The following LTBP4 variants were observed in gnomAD, a reference collection of about 807,000 sequenced individuals.
LTBP4 encodes the protein latent-transforming growth factor beta-binding protein 4.
In LTBP4, 93 loss-of-function variants were observed where a neutral mutation model predicts 180.2. The ratio of observed to expected loss-of-function variants is 0.52; its 90% CI spans 0.44 to 0.61. LTBP4 has a LOEUF of 0.61. Among genes scored for constraint, LTBP4 ranks in the 20% least tolerant of loss-of-function variants. The pLI is 0.00. For missense variants in LTBP4, 2,116 were observed against 2,256.5 expected (o/e 0.94, Z 1.26); for synonymous variants, 947 against 934.5 (o/e 1.01, Z -0.24).
intron 6 of LTBP4, 92 bp downstream of exon 6, chr19:40,606,618 C>G: frequency 1.4e-6 from 2 of 1,462,520 alleles, no homozygotes; most frequent in Admixed American, 4.1e-5. Context: ...CCCTCGGACC[C>G]CCCCAGACTC....
intron 22 of LTBP4, 138 bp downstream of exon 22, chr19:40,619,631 C>T (rs778123523): frequency 1.3e-5 from 13 of 969,086 alleles, no homozygotes; most frequent in Non-Finnish European, 1.5e-5. Context: ...CATAAGTTAA[C>T]ATGGGTAGTG....
rs753810413 is a variant in LTBP4, at chr19:40,627,718, G to A, written c.4380G>A (p.Glu1460=). Residue 1460 remains glutamate (E), a synonymous_variant, in exon 29 of 30, where the codon GAG becomes GAA. Coordinates refer to ENST00000396819, the MANE Select transcript of LTBP4 (RefSeq NM_001042545.2). ...CATTTCCCACAGGTTCCCTGGCTGA[G>A]CCCTACGAGGAGCTGGAGGCGGAGG... ...EGGSYAGSLA[E]PYEELEAEEC... The A allele has an allele frequency of 1.3e-6, 2 of 1,595,838 alleles. No individual in the cohort carries two copies. Among genetic ancestry groups the A allele is most frequent in the Admixed American group, 1.7e-5 (1 of 57,688 alleles).
At chr19:40,608,014 C>A (rs1008733438) in intron 7 of LTBP4, among the ~76,000 whole-genome samples, 2 of 152,194 alleles carry the variant, frequency 1.3e-5, no homozygotes, top group Non-Finnish European at 2.9e-5. Context: ...ACCACCATCC[C>A]AAATGTGGGA....
At chr19:40,604,435 G>C (rs1008234113) in intron 1 of LTBP4, among the ~76,000 whole-genome samples, 1 of 152,156 alleles carries the variant, frequency 6.6e-6, no homozygotes, top group Non-Finnish European at 1.5e-5. Context: ...GGAGGGGCTG[G>C]AACAGCAAAG....
At position 40,613,673 on chromosome 19, in the gene LTBP4, C is replaced by A; in HGVS notation, c.2557+144C>A. 1 of 1,356,684 alleles carries A rather than the reference C, an allele frequency of 7.4e-7. No individual in the cohort carries two copies. The highest frequency in any genetic ancestry group is 1.0e-6 in the Non-Finnish European group (1 of 989,748). The allele number at this position is 1,356,684 out of a possible 1,614,324, so 84.0% of individuals were successfully genotyped here. ...ATCAGGGGGCAGCTGGTGGGAGTCT[C>A]GAGGCAGTGAGGGGGGGCGGGGCGT... is the stretch of plus-strand genomic sequence containing the variant. On this transcript the variant is annotated intron_variant, in intron 17 of 29. Transcript: ENST00000396819. This position sits in a 1 kb window ranked among gnomAD's most constrained non-coding sequence, Gnocchi z 5.0.
chr19:40,625,612 C>T (rs1221261787), intron 26 of LTBP4, among the ~76,000 whole-genome samples: 1 of 152,156 alleles, frequency 6.6e-6, no homozygotes, highest in Non-Finnish European at 1.5e-5. Flanking sequence ...GTAGACCCCT[C>T]TCAGGCCCTA....
chr19:40,620,231 G>T (rs2081576789), intron 22 of LTBP4, among the ~76,000 whole-genome samples: 2 of 140,442 alleles, frequency 1.4e-5, no homozygotes, highest in African/African-American at 5.5e-5. Context: ...TTTTTTTTTT[G>T]AAAATTTTTT....
chr19:40,616,893 G>A lies in LTBP4; in HGVS notation c.2817G>A (p.Val939=). 6.2e-7 allele frequency: 1 copy of A among 1,613,946 alleles called. No homozygotes were observed. Among genetic ancestry groups the A allele is most frequent in the Non-Finnish European group, 8.5e-7 (1 of 1,179,890 alleles). The change falls in exon 20 of 30, where the codon GTG becomes GTA. Residue 939 remains valine, a synonymous_variant. Coordinates refer to ENST00000396819, the MANE Select transcript of LTBP4 (RefSeq NM_001042545.2). The part of the protein sequence containing the change: ...HAGPEGTCDD[V]DECQEYGPEI... ...CATCTCCTCCACACTCTGCAGATGT[G>A]GATGAGTGCCAAGAATATGGTCCCG... is the stretch of plus-strand genomic sequence containing the variant.
intron 22 of LTBP4, 120 bp downstream of exon 22, chr19:40,619,613 A>C: frequency 8.9e-7 from 1 of 1,129,728 alleles, no homozygotes; most frequent in Non-Finnish European, 1.2e-6. Context: ...AAACATCAAC[A>C]AAAGACACAT....
Position 40,627,949 on chromosome 19 carries a change from C to A in LTBP4, c.4519+92C>A, listed in dbSNP as rs2081649702. 17 of 1,460,620 alleles carry A rather than the reference C, an allele frequency of 1.2e-5. No individual in the cohort carries two copies. In the South Asian group the frequency reaches 2.1e-4, roughly 18 times the overall value. The allele number at this position is 1,460,620 out of a possible 1,614,324, so 90.5% of individuals were successfully genotyped here. Reference sequence around the variant, plus strand: ...CTGACTAGGGGGTGCTGGTCAGGGACGGGAAAGGACCTCACTACAGGGGAC... The same window carrying A: ...CTGACTAGGGGGTGCTGGTCAGGGAAGGGAAAGGACCTCACTACAGGGGAC... On this transcript the variant is annotated intron_variant, in intron 29 of 29. Coordinates refer to ENST00000396819, the MANE Select transcript of LTBP4 (RefSeq NM_001042545.2).
Position 40,613,025 on chromosome 19 carries a change from C to G in LTBP4, c.2300-40C>G. 6.2e-7 allele frequency: 1 copy of G among 1,601,450 alleles called. No homozygotes were observed. The highest frequency in any genetic ancestry group is 8.5e-7 in the Non-Finnish European group (1 of 1,173,306). On this transcript the variant is annotated intron_variant, in intron 15 of 29. Transcript: ENST00000396819. The surrounding 1 kb of genome is among the most constrained non-coding windows in gnomAD (Gnocchi z 5.0). ...TCCAAGGGGATTGGTCGGGTGTGTC[C>G]CGAGACTGGACCCTTTCTGAACACC...
chr19:40,625,264 AT>A (rs2081617228), intron 26 of LTBP4, among the ~76,000 whole-genome samples: 2 of 1,694 alleles, frequency 1.2e-3, no homozygotes, highest in Non-Finnish European at 2.1e-3. Context: ...ATATATATAT[AT>A]ATATATATAT....
rs188671834 is a variant in LTBP4 at position 40,620,558 on chromosome 19, C to T, written c.3217+1065C>T. Among the ~76,000 whole-genome samples the T allele has an allele frequency of 4.2e-3, 644 of 151,848 alleles. 2 individuals are homozygous for T. The highest frequency in any genetic ancestry group is 0.015 in the African/African-American group (630 of 41,404). On this transcript the variant is annotated intron_variant, in intron 22 of 29. Transcript: ENST00000396819. ...TGGGAGGCCAAGGCGGGAGGATCAC[C>T]TGAGGTCAGGAGTTCGAGACCAGCA... is the stretch of plus-strand genomic sequence containing the variant.
Position 40,606,404 on chromosome 19 carries a change from A to T in LTBP4, c.869A>T (p.Asp290Val). The T allele has an allele frequency of 6.2e-7, 1 of 1,606,574 alleles. No individual in the cohort carries two copies. Among genetic ancestry groups the T allele is most frequent in the South Asian group, 1.1e-5 (1 of 89,914 alleles). ...GFERVNGSCE[D>V]VDECATGGRC... ...ACGGTGACCTCCCCAACCCTGGCAG[A>T]TGTGGATGAGTGCGCGACTGGCGGG... Residue 290 changes from aspartate to valine, a missense_variant and splice_region_variant, in exon 6 of 30, where the codon GAT becomes GTT. By Grantham distance (152) the Asp-to-Val change is radical. Coordinates refer to ENST00000396819, the MANE Select transcript of LTBP4 (RefSeq NM_001042545.2).
chr19:40,601,337 G>A, upstream of LTBP4: 1 of 1,004,942 alleles, frequency 1.0e-6, no homozygotes, highest in Non-Finnish European at 1.2e-6. Context: ...GTGCGGCCGG[G>A]CCCCTCGGGC....
upstream of LTBP4, among the ~76,000 whole-genome samples, chr19:40,599,036 T>C (rs1205309539): frequency 5.9e-5 from 9 of 152,218 alleles, no homozygotes; most frequent in Non-Finnish European, 1.2e-4. Flanking sequence ...CCTCCCATTG[T>C]ACAGATGGAG....
rs1428463339 is a variant in LTBP4 at position 40,622,420 on chromosome 19, G to A, written c.3237G>A (p.Gln1079=). The change falls in exon 23 of 30, where the codon CAG becomes CAA. Residue 1079 remains glutamine (Q), a synonymous_variant. Coordinates refer to ENST00000396819, the MANE Select transcript of LTBP4 (RefSeq NM_001042545.2). The surrounding 1 kb of genome is among the most constrained non-coding windows in gnomAD (Gnocchi z 5.1). ...CCCCAGGCACGTTCCCAGGCTCGCA[G>A]CCCCAGGCACCTGCTAGCCCCGTTC... is the stretch of plus-strand genomic sequence containing the variant. ...RTSAGTFPGS[Q]PQAPASPVLP... 12 of 1,561,494 alleles carry A rather than the reference G, an allele frequency of 7.7e-6. No homozygotes were observed. The highest frequency in any genetic ancestry group is 1.0e-5 in the Non-Finnish European group (12 of 1,149,224).
chr19:40,600,107 C>G, upstream of LTBP4: 2 of 1,258,992 alleles, frequency 1.6e-6, no homozygotes, highest in Non-Finnish European at 2.0e-6. The surrounding 1 kb of genome is among the most constrained non-coding windows in gnomAD (Gnocchi z 4.4). Context: ...GGCGGCGGCC[C>G]CGGGGGCCAG....
chr19:40,611,045 T>C lies in LTBP4; in HGVS notation c.1811-107T>C. The C allele has an allele frequency of 1.4e-6, 2 of 1,451,358 alleles. No individual in the cohort carries two copies. The highest frequency in any genetic ancestry group is 2.3e-5 in the East Asian group (1 of 43,536). 89.9% of individuals were successfully genotyped at this position (1,451,358 alleles called of 1,614,324 possible). A position where few individuals can be genotyped will look rare whatever the true frequency, so the allele number is the denominator to read the frequency against. The stretch of plus-strand genomic sequence containing the variant: ...GTCAGATGATGGTGACAAGGAGGAA[T>C]AGAGATGGGGTCACGGGGACAGAAT... On this transcript the variant is annotated intron_variant, in intron 12 of 29. Coordinates refer to ENST00000396819, the MANE Select transcript of LTBP4 (RefSeq NM_001042545.2). This position sits in a 1 kb window ranked among gnomAD's most constrained non-coding sequence, Gnocchi z 4.4.
Sources: gnomAD v4.1 joint callset for allele counts (sites outside exome capture counted in the v4.1 genomes callset) on GRCh38, gnomAD v4.1.1 for gene constraint, Gnocchi (gnomAD v3.1) non-coding constraint, MANE v1.5 for transcripts, NCBI Gene and HGNC (gene_info 2026-07-23, HGNC 2026-07-21) for gene names.